Variants in BAZ2A observed in about 807,000 individuals in gnomAD.
BAZ2A encodes bromodomain adjacent to zinc finger domain protein 2A.
A neutral mutation model predicts 199.9 loss-of-function variants in BAZ2A; 34 were observed. The observed-to-expected ratio is 0.17, with a 90% CI of 0.13 to 0.23. BAZ2A has a LOEUF of 0.23. Among genes scored for constraint, BAZ2A ranks in the 10% least tolerant of loss-of-function variants. The pLI, the probability that BAZ2A is intolerant of heterozygous loss-of-function variation, is 1.00. For synonymous variants in BAZ2A, 857 were observed against 883.9 expected (o/e 0.97, Z 0.54); for missense variants, 2,002 against 2,391.1 (o/e 0.84, Z 3.39).
At chr12:56,609,230 A>G (rs968332850) in intron 10 of BAZ2A, among the ~76,000 whole-genome samples, 6 of 151,732 alleles carry the variant, frequency 4.0e-5, no homozygotes, top group Admixed American at 1.3e-4. Context: ...TTGGAATGCA[A>G]TAACACAACT....
chr12:56,634,633 G>A (rs991459054), upstream of BAZ2A, among the ~76,000 whole-genome samples: 2 of 152,128 alleles, frequency 1.3e-5, no homozygotes, highest in African/African-American at 4.8e-5. Flanking sequence ...TAGTTCAGAG[G>A]GGAGGAGGCG....
rs568965989 is a variant in BAZ2A at position 56,616,526 on chromosome 12, A to AG, written c.136+868dup. ...AAGGTAATATGCCAGCTGGCGGGGT[A>AG]GGGGGGGCACTTTGTGTGCTGTAGA... is the stretch of plus-strand genomic sequence containing the variant. On this transcript the variant is annotated intron_variant, in intron 2 of 28. Transcript: ENST00000549884. 1.8e-4 allele frequency among the ~76,000 whole-genome samples: 27 copies of AG among 152,100 alleles called. No homozygotes were observed. In the East Asian group the frequency reaches 3.7e-3, roughly 21 times the overall value.
In BAZ2A at chr12:56,610,935, C is replaced by T. The variant is rs375790797; in HGVS notation, c.1671-418G>A. Among the ~76,000 whole-genome samples the T allele has an allele frequency of 8.5e-4, 129 of 152,220 alleles. 4 individuals are homozygous for T. The South Asian group carries it at 0.025, about 30-fold the overall frequency. On this transcript the variant is annotated intron_variant, in intron 7 of 28. Coordinates refer to ENST00000549884, the MANE Select transcript of BAZ2A (RefSeq NM_001300905.2). Reference sequence around the variant, plus strand: ...ATTTGCTGCTGATTCCATGAAAAGACTCAATATGCCAGGGTTTAGTTAGGA... The same window carrying T: ...ATTTGCTGCTGATTCCATGAAAAGATTCAATATGCCAGGGTTTAGTTAGGA...
chr12:56,622,701 C>A (rs940534091), intron 1 of BAZ2A, among the ~76,000 whole-genome samples: 1 of 152,158 alleles, frequency 6.6e-6, no homozygotes, highest in Non-Finnish European at 1.5e-5. Flanking sequence ...TCAGCCAGTG[C>A]CCAACCCCTA....
intron 3 of BAZ2A, 91 bp downstream of exon 3, chr12:56,614,923 G>A (rs1317250852): frequency 1.6e-5 from 22 of 1,336,320 alleles, no homozygotes; most frequent in African/African-American, 1.5e-5. Context: ...GCAGAGAGCT[G>A]GAAAGACAAG....
At chr12:56,638,266 A>G, upstream of BAZ2A, 1 of 1,454,362 alleles carries the variant, frequency 6.9e-7, no homozygotes, top group South Asian at 1.2e-5. Flanking sequence ...TACACAGAAA[A>G]ATGAAGCTTT....
At chr12:56,606,492 T>C in intron 11 of BAZ2A, 141 bp downstream of exon 11, 4 of 1,205,496 alleles carry the variant, frequency 3.3e-6, no homozygotes, top group Non-Finnish European at 4.8e-6. Flanking sequence ...AACCCAATTC[T>C]CTAAATCAAG....
chr12:56,602,934 G>A, intron 18 of BAZ2A, 77 bp from the exon 19 acceptor site: 3 of 1,448,378 alleles, frequency 2.1e-6, no homozygotes. Flanking sequence ...GTATATCAGA[G>A]AAAGGCAATG....
rs1950612984 is a variant in BAZ2A, at chr12:56,613,066, T to C, written c.1084A>G (p.Ile362Val). ...GGTGGAGAGGTGGGACTGGCAAAGA[T>C]AGAGGTTGATGTTTGACTATCATCT... The part of the protein sequence containing the change: ...LADDSQTSTS[I>V]FASPTSPPVL... The change falls in exon 5 of 29, where the codon ATC becomes GTC. Residue 362 changes from isoleucine to valine, a missense_variant. Transcript: ENST00000549884. The C allele has an allele frequency of 2.5e-6, 4 of 1,613,844 alleles. No individual in the cohort carries two copies. The highest frequency in any genetic ancestry group is 3.4e-6 in the Non-Finnish European group (4 of 1,179,906).
rs1231354742 is a variant in BAZ2A at position 56,601,031 on chromosome 12, G to A, written c.4362C>T (p.His1454=). 6.2e-7 allele frequency: 1 copy of A among 1,610,672 alleles called. No individual in the cohort carries two copies. Among genetic ancestry groups the A allele is most frequent in the African/African-American group, 1.3e-5 (1 of 74,848 alleles). ...EMLDAMLKAL[H]PRGIREKALH... The stretch of plus-strand genomic sequence containing the variant: ...GTGCCTTCTCCCGGATACCTCGGGG[G>A]TGTAGGGCCTTGAGCATGGCATCCA... The change falls in exon 22 of 29, where the codon CAC becomes CAT. Residue 1454 remains histidine (H), a synonymous_variant. Coordinates refer to ENST00000549884, the MANE Select transcript of BAZ2A (RefSeq NM_001300905.2).
At chr12:56,612,794 T>C (rs1361121508) in intron 5 of BAZ2A, among the ~76,000 whole-genome samples, 3 of 152,216 alleles carry the variant, frequency 2.0e-5, no homozygotes, top group Non-Finnish European at 4.4e-5. Flanking sequence ...GGCTAATTTT[T>C]GTATTTTTAG....
chr12:56,603,846 C>T, intron 16 of BAZ2A, 146 bp from the exon 17 acceptor site: 2 of 922,566 alleles, frequency 2.2e-6, no homozygotes, highest in African/African-American at 3.4e-5. Flanking sequence ...AACCCTGTCT[C>T]TACTAAAAAT....
At chr12:56,625,649 G>A (rs187684307) in intron 1 of BAZ2A, among the ~76,000 whole-genome samples, 133 of 151,812 alleles carry the variant, frequency 8.8e-4, no homozygotes, top group Middle Eastern at 3.4e-3. Context: ...AGGCCGAGAC[G>A]GGCGGATCAT....
chr12:56,609,439 T>A (rs930268270), intron 10 of BAZ2A, among the ~76,000 whole-genome samples: 4 of 152,086 alleles, frequency 2.6e-5, no homozygotes, highest in Non-Finnish European at 4.4e-5. Context: ...CAGTATATGA[T>A]AAGGAGCTAA....
rs145277561 is a variant in BAZ2A, at chr12:56,601,254, C to G, written c.4220G>C (p.Arg1407Thr). 6.2e-7 allele frequency: 1 copy of G among 1,614,054 alleles called. No homozygotes were observed. Among genetic ancestry groups the G allele is most frequent in the Non-Finnish European group, 8.5e-7 (1 of 1,179,906 alleles). The change falls in exon 21 of 29, where the codon AGA (arginine) becomes ACA (threonine). Residue 1407 changes from arginine (R) to threonine (T), a missense_variant. By Grantham distance (71) the Arg-to-Thr change is moderately conservative. Coordinates refer to ENST00000549884, the MANE Select transcript of BAZ2A (RefSeq NM_001300905.2). Reference sequence around the variant, plus strand: ...CTGTTTGAAGAACTTACTGGGAGGTCTCCCTCTCCGTTTGGGCTGTCCCAG... The same window carrying G: ...CTGTTTGAAGAACTTACTGGGAGGTGTCCCTCTCCGTTTGGGCTGTCCCAG... The part of the protein sequence containing the change: ...TGLGQPKRRG[R>T]PPSKFFKQME...
chr12:56,605,992 C>T lies in BAZ2A; in HGVS notation c.2331G>A (p.Lys777=). 1 of 1,552,024 alleles carries T rather than the reference C, an allele frequency of 6.4e-7. No homozygotes were observed. Among genetic ancestry groups the T allele is most frequent in the Non-Finnish European group, 8.7e-7 (1 of 1,147,164 alleles). ...KEKVKREKKE[K]VKMKEKEEVT... ...CCTCCTCCTTTTCCTTCATTTTTAC[C>T]TTCTCCTTCTTTTCCCTCTTGACTT... The change falls in exon 13 of 29, where the codon AAG becomes AAA. Residue 777 remains lysine (K), a synonymous_variant. Coordinates refer to ENST00000549884, the MANE Select transcript of BAZ2A (RefSeq NM_001300905.2).
At chr12:56,609,332 C>T (rs563167088) in intron 10 of BAZ2A, among the ~76,000 whole-genome samples, 2 of 152,246 alleles carry the variant, frequency 1.3e-5, no homozygotes, top group South Asian at 4.1e-4. Flanking sequence ...TAAGCACACA[C>T]CACCATGCCT....
chr12:56,620,536 A>G (rs1217510452), intron 1 of BAZ2A, among the ~76,000 whole-genome samples: 1 of 150,996 alleles, frequency 6.6e-6, no homozygotes, highest in Non-Finnish European at 1.5e-5. Flanking sequence ...ACAAACAAAC[A>G]AAACACACAG....
chr12:56,636,178 T>C, intron 1 of BAZ2A: 5 of 1,594,730 alleles, frequency 3.1e-6, no homozygotes, highest in Non-Finnish European at 2.6e-6. Flanking sequence ...GTCCCCATAC[T>C]CACCCATGTC....
Sources: gnomAD v4.1 joint callset for allele counts (sites outside exome capture counted in the v4.1 genomes callset) on GRCh38, gnomAD v4.1.1 for gene constraint, MANE v1.5 for transcripts, NCBI Gene and HGNC (gene_info 2026-07-23, HGNC 2026-07-21) for gene names.